CASP10: variants seen among roughly 807,000 people sequenced by gnomAD.
CASP10 encodes the protein caspase-10.
CASP10 carries 41 observed loss-of-function variants against 48.5 expected under a neutral mutation model. That is an observed-to-expected ratio of 0.85 (90% CI 0.66 to 1.10). CASP10 has a LOEUF of 1.10. Among genes scored for constraint, CASP10 ranks in the 50% least tolerant of loss-of-function variants. CASP10 has a pLI of 0.00. For missense variants in CASP10, 614 were observed against 614.5 expected (o/e 1.00, Z 0.01); for synonymous variants, 232 against 238.4 (o/e 0.97, Z 0.25).
At chr2:201,193,795 A>G (rs1354649539) in intron 4 of CASP10, among the ~76,000 whole-genome samples, 1 of 152,198 alleles carries the variant, frequency 6.6e-6, no homozygotes, top group Non-Finnish European at 1.5e-5. Flanking sequence ...GCAGGATAGC[A>G]TGGGGTAAGA....
In CASP10 at chr2:201,209,131, G is replaced by C; in HGVS notation, c.984G>C (p.Thr328=). Residue 328 remains threonine (T), a synonymous_variant, in exon 9 of 10, where the codon ACG becomes ACC. Coordinates refer to ENST00000286186, the MANE Select transcript of CASP10 (RefSeq NM_032977.4). ...GFTVHIHNNV[T]KVEMEMVLQK... ...CAGTGCATATACACAATAATGTGACGAAAGTGGAAATGGAGATGGTCCTGC... is the reference window on the plus strand; with the variant it reads ...CAGTGCATATACACAATAATGTGACCAAAGTGGAAATGGAGATGGTCCTGC... The C allele has an allele frequency of 6.2e-7, 1 of 1,610,858 alleles. No individual in the cohort carries two copies. The highest frequency in any genetic ancestry group is 8.5e-7 in the Non-Finnish European group (1 of 1,179,294).
At chr2:201,193,207 G>A in intron 4 of CASP10, 88 bp downstream of exon 4, 1 of 1,372,050 alleles carries the variant, frequency 7.3e-7, no homozygotes, top group South Asian at 1.2e-5. Flanking sequence ...TATTTGTTTT[G>A]TTTTGTTTTG....
At chr2:201,202,493 G>A (rs535716782) in intron 5 of CASP10, among the ~76,000 whole-genome samples, 26 of 152,322 alleles carry the variant, frequency 1.7e-4, no homozygotes, top group African/African-American at 6.3e-4. Context: ...GCCTGGAGGG[G>A]CTGGGCAGAG....
chr2:201,189,512 G>A (rs1231000640), intron 3 of CASP10, among the ~76,000 whole-genome samples: 1 of 152,034 alleles, frequency 6.6e-6, no homozygotes, highest in Non-Finnish European at 1.5e-5. Context: ...TGATCTACCT[G>A]CCTCAGCCTC....
chr2:201,212,796 A>G (rs1945441860), intron 9 of CASP10: 2 of 152,242 alleles, frequency 1.3e-5, no homozygotes, highest in Admixed American at 6.5e-5. Flanking sequence ...TCTATAATAG[A>G]TCAAGTGATA....
rs747722985 is a variant in CASP10, at chr2:201,205,936, C to T, written c.776C>T (p.Ala259Val). 1.7e-5 allele frequency: 28 copies of T among 1,613,044 alleles called. No homozygotes were observed. The highest frequency in any genetic ancestry group is 2.4e-5 in the Non-Finnish European group (28 of 1,179,128). Residue 259 changes from alanine (A) to valine (V), a missense_variant, in exon 7 of 10, where the codon GCA becomes GTA. Ala to Val is a moderately conservative substitution (Grantham distance 64). Coordinates refer to ENST00000286186, the MANE Select transcript of CASP10 (RefSeq NM_032977.4). ...CTGGTCTCCAGGGGGATGCAAGGAG[C>T]ATCTGCTAACACTCTAAACTCTGAA... ...PSLVSRGMQG[A>V]SANTLNSETS...
At chr2:201,228,195 G>A (rs1945813897) in intron 9 of CASP10, among the ~76,000 whole-genome samples, 1 of 152,282 alleles carries the variant, frequency 6.6e-6, no homozygotes, top group Non-Finnish European at 1.5e-5. Context: ...AATTAGCCGG[G>A]TGTGGTGATG....
chr2:201,196,682 A>G (rs576365519), intron 5 of CASP10, among the ~76,000 whole-genome samples: 9 of 152,250 alleles, frequency 5.9e-5, no homozygotes, highest in Non-Finnish European at 1.2e-4. Context: ...TAAAATACAC[A>G]TAACAAAATT....
intron 9 of CASP10, chr2:201,213,864 A>G (rs1945482518): frequency 6.6e-6 from 1 of 152,182 alleles, no homozygotes; most frequent in Non-Finnish European, 1.5e-5. Context: ...AATATGCCTC[A>G]TAAGGATAAT....
intron 5 of CASP10, among the ~76,000 whole-genome samples, chr2:201,199,701 A>G (rs1176135603): frequency 1.3e-5 from 2 of 151,344 alleles, no homozygotes; most frequent in Non-Finnish European, 2.9e-5. Flanking sequence ...CAGCCTCCCA[A>G]GTATCTGAGA....
At chr2:201,224,268 G>A (rs1945762002), downstream of CASP10, among the ~76,000 whole-genome samples, 1 of 150,570 alleles carries the variant, frequency 6.6e-6, no homozygotes, top group Non-Finnish European at 1.5e-5. Flanking sequence ...ACCGTGCCTG[G>A]CCAAAAAAAA....
At chr2:201,222,081 A>G (rs1378800744), downstream of CASP10, among the ~76,000 whole-genome samples, 1 of 152,180 alleles carries the variant, frequency 6.6e-6, no homozygotes. Flanking sequence ...GACAGTGGTG[A>G]TAGTCATTGT....
At chr2:201,228,350 T>G (rs1945816258) in intron 9 of CASP10, among the ~76,000 whole-genome samples, 1 of 151,938 alleles carries the variant, frequency 6.6e-6, no homozygotes, top group Non-Finnish European at 1.5e-5. Flanking sequence ...AAAAAAAAAA[T>G]TCCTTAGAAA....
downstream of CASP10, among the ~76,000 whole-genome samples, chr2:201,222,274 T>G (rs1945735590): frequency 1.3e-5 from 2 of 150,216 alleles, no homozygotes; most frequent in Admixed American, 1.3e-4. Context: ...TAGAGTGTAG[T>G]GGTGTGATCT....
intron 9 of CASP10, among the ~76,000 whole-genome samples, chr2:201,217,386 A>G (rs1945603693): frequency 6.6e-6 from 1 of 152,060 alleles, no homozygotes; most frequent in African/African-American, 2.4e-5. Context: ...GGCAAGCAAT[A>G]TGGTGAAACC....
chr2:201,205,364 A>G (rs1193152956), intron 6 of CASP10, among the ~76,000 whole-genome samples: 1 of 151,720 alleles, frequency 6.6e-6, no homozygotes, highest in Non-Finnish European at 1.5e-5. Context: ...AGCTGGGACT[A>G]CAGGCAATGT....
At position 201,205,990 on chromosome 2, in the gene CASP10, T is replaced by C; in HGVS notation, c.813+17T>C. ...AGCACAAAGGTCTGGATGGTTTCTT[T>C]TATTCCTTTTTTAATAAAAAAATTT... is the stretch of plus-strand genomic sequence containing the variant. On this transcript the variant is annotated intron_variant, in intron 7 of 9. Coordinates refer to ENST00000286186, the MANE Select transcript of CASP10 (RefSeq NM_032977.4). The C allele has an allele frequency of 4.5e-6, 7 of 1,557,830 alleles. No individual in the cohort carries two copies. The highest frequency in any genetic ancestry group is 6.2e-6 in the Non-Finnish European group (7 of 1,134,070).
chr2:201,187,557 A>AT (rs1252639978), intron 2 of CASP10, 149 bp from the exon 3 acceptor site: 12 of 718,972 alleles, frequency 1.7e-5, no homozygotes, highest in Admixed American at 4.3e-5. Flanking sequence ...GAAAGTTTTC[A>AT]TTTTTTGAAC....
At chr2:201,187,935 G>A (rs1944472367) in intron 3 of CASP10, 136 bp downstream of exon 3, 4 of 721,064 alleles carry the variant, frequency 5.5e-6, no homozygotes, top group Non-Finnish European at 7.4e-6. Flanking sequence ...CATTGGCTTT[G>A]GTGCTGGATG....
Sources: allele counts gnomAD v4.1 joint callset (sites outside exome capture counted in the v4.1 genomes callset), GRCh38; gene constraint gnomAD v4.1.1; transcripts MANE v1.5; gene names NCBI Gene and HGNC (gene_info 2026-07-23, HGNC 2026-07-21).